CACNB4: variants seen among roughly 807,000 people sequenced by gnomAD.
CACNB4 encodes voltage-dependent L-type calcium channel subunit beta-4.
CACNB4 carries 32 observed loss-of-function variants against 71.2 expected under a neutral mutation model. That is an observed-to-expected ratio of 0.45 (90% CI 0.34 to 0.60). The LOEUF is 0.60. Ranked by LOEUF, CACNB4 falls within the 20% of genes least tolerant of loss-of-function variation. The pLI is 0.01. For missense variants in CACNB4, 464 were observed against 647.9 expected (o/e 0.72, Z 3.08); for synonymous variants, 231 against 236.9 (o/e 0.97, Z 0.23).
At chr2:151,992,809 T>G (rs1395478420) in intron 2 of CACNB4, among the ~76,000 whole-genome samples, 1 of 152,246 alleles carries the variant, frequency 6.6e-6, no homozygotes, top group Admixed American at 6.5e-5. Flanking sequence ...TTAGCCAATG[T>G]AAGCTGAGTA....
chr2:152,004,356 C>G (rs1682598881), intron 2 of CACNB4, among the ~76,000 whole-genome samples: 1 of 152,142 alleles, frequency 6.6e-6, no homozygotes, highest in African/African-American at 2.4e-5. Context: ...TGTGCAGAAG[C>G]CCCATTCCTG....
intron 4 of CACNB4, chr2:151,880,567 G>A (rs2099847577): frequency 1.9e-6 from 1 of 524,300 alleles, no homozygotes; most frequent in Admixed American, 3.7e-5. Context: ...AGAAATCTAT[G>A]CTATAATTTT....
At chr2:152,041,494 T>C (rs554699178) in intron 2 of CACNB4, among the ~76,000 whole-genome samples, 1 of 152,278 alleles carries the variant, frequency 6.6e-6, no homozygotes, top group South Asian at 2.1e-4. Context: ...AACATGAAGG[T>C]AGGCAGTTGG....
At position 152,037,143 on chromosome 2, in the gene CACNB4, T is replaced by C. The variant is rs376765554; in HGVS notation, c.147+61187A>G. Among the ~76,000 whole-genome samples, 3 of 152,242 alleles carry C rather than the reference T, an allele frequency of 2.0e-5. No individual in the cohort carries two copies. The South Asian group carries it at 6.2e-4, about 31-fold the overall frequency. The stretch of plus-strand genomic sequence containing the variant: ...AGCACTTATGTAGGGTATTCTTCCC[T>C]GGGCTTCTGTTTTGTTACCTTCTCA... On this transcript the variant is annotated intron_variant, in intron 2 of 13. Transcript: ENST00000539935.
chr2:152,026,078 T>C (rs973746447), intron 2 of CACNB4, among the ~76,000 whole-genome samples: 10 of 152,190 alleles, frequency 6.6e-5, no homozygotes, highest in Middle Eastern at 3.2e-3. Context: ...TCACTTGGCA[T>C]GAATGTCCAC....
At chr2:151,960,078 A>G (rs1222494936) in intron 2 of CACNB4, among the ~76,000 whole-genome samples, 1 of 152,028 alleles carries the variant, frequency 6.6e-6, no homozygotes, top group East Asian at 1.9e-4. Context: ...AGATTATTTT[A>G]AGTCCTTAAA....
intron 2 of CACNB4, among the ~76,000 whole-genome samples, chr2:152,016,173 T>C (rs1683334220): frequency 6.6e-6 from 1 of 152,246 alleles, no homozygotes; most frequent in Admixed American, 6.5e-5. Flanking sequence ...TTAGGGTGGC[T>C]TGAGATTCTC....
Position 152,067,391 on chromosome 2 carries a change from G to A in CACNB4, c.147+30939C>T, listed in dbSNP as rs866097771. Among the ~76,000 whole-genome samples the A allele has an allele frequency of 4.6e-4, 67 of 144,490 alleles. 2 individuals carry two copies. Among genetic ancestry groups the A allele is most frequent in the Admixed American group, 3.0e-3 (43 of 14,376 alleles). The allele number at this position is 144,490 out of a possible 152,430, so 94.8% of individuals were successfully genotyped here. A position where few individuals can be genotyped will look rare whatever the true frequency, so the allele number is the denominator to read the frequency against. Reference sequence around the variant, plus strand: ...TTTTTATAGAGATGTGTGTGTGTGGGGGGGGGGGTGCCTCTCACTGTGTTG... The same window carrying A: ...TTTTTATAGAGATGTGTGTGTGTGGAGGGGGGGGTGCCTCTCACTGTGTTG... On this transcript the variant is annotated intron_variant, in intron 2 of 13. Transcript: ENST00000539935.
At chr2:152,038,697 T>G (rs1379280689) in intron 2 of CACNB4, among the ~76,000 whole-genome samples, 2 of 152,194 alleles carry the variant, frequency 1.3e-5, no homozygotes, top group East Asian at 3.9e-4. Flanking sequence ...AACTCAGCCA[T>G]TTTCAAAGAC....
chr2:152,053,522 ATTTTT>A (rs200394309), intron 2 of CACNB4, among the ~76,000 whole-genome samples: 1 of 137,936 alleles, frequency 7.2e-6, no homozygotes, highest in African/African-American at 2.7e-5. Context: ...TGCTCTAGGA[ATTTTT>A]TTTTTTTTTT....
chr2:151,958,961 T>C (rs1200406301), intron 2 of CACNB4, among the ~76,000 whole-genome samples: 1 of 152,206 alleles, frequency 6.6e-6, no homozygotes, highest in Non-Finnish European at 1.5e-5. Flanking sequence ...TAAATGTAGG[T>C]ACAAAGATAA....
chr2:151,887,645 C>A (rs1262674035), intron 2 of CACNB4, among the ~76,000 whole-genome samples: 1 of 152,184 alleles, frequency 6.6e-6, no homozygotes, highest in African/African-American at 2.4e-5. Flanking sequence ...GCAGCCATGG[C>A]TGTTGGATCC....
chr2:151,981,833 T>C (rs1052327779), intron 2 of CACNB4, among the ~76,000 whole-genome samples: 4 of 152,104 alleles, frequency 2.6e-5, no homozygotes, highest in Admixed American at 1.3e-4. Context: ...GAACCACATG[T>C]CTCAAGCACC....
intron 2 of CACNB4, among the ~76,000 whole-genome samples, chr2:151,905,664 T>C (rs1208798770): frequency 6.6e-5 from 10 of 152,206 alleles, no homozygotes; most frequent in Admixed American, 5.9e-4. Context: ...AGCTAACAAA[T>C]GGTTATTCTT....
chr2:151,915,614 G>A (rs1211794007), intron 2 of CACNB4, among the ~76,000 whole-genome samples: 4 of 152,096 alleles, frequency 2.6e-5, no homozygotes, highest in African/African-American at 7.2e-5. Flanking sequence ...AGGCCGAGGC[G>A]GGTGGATTGC....
chr2:151,909,752 C>G (rs575729136), intron 2 of CACNB4, among the ~76,000 whole-genome samples: 1 of 152,282 alleles, frequency 6.6e-6, no homozygotes, highest in South Asian at 2.1e-4. Flanking sequence ...CTTTTTATGG[C>G]TGCATAGTAT....
Position 151,904,792 on chromosome 2 carries a change from C to T in CACNB4, c.148-21422G>A, listed in dbSNP as rs549015451. 8.5e-5 allele frequency among the ~76,000 whole-genome samples: 13 copies of T among 152,288 alleles called. No homozygotes were observed. In the South Asian group the frequency reaches 2.5e-3, roughly 29 times the overall value. On this transcript the variant is annotated intron_variant, in intron 2 of 13. Coordinates refer to ENST00000539935, the MANE Select transcript of CACNB4 (RefSeq NM_000726.5). ...TCAGGTGATCTGCCTGCCTTGGCCT[C>T]CCAAAGTGCTGGGATTACAGGCAGG...
chr2:151,892,162 C>A (rs1389606530), intron 2 of CACNB4, among the ~76,000 whole-genome samples: 1 of 152,150 alleles, frequency 6.6e-6, no homozygotes, highest in African/African-American at 2.4e-5. Context: ...CCTGAAAACA[C>A]GGACTTCTGT....
chr2:151,920,030 T>C (rs2099858517), intron 2 of CACNB4, among the ~76,000 whole-genome samples: 2 of 152,238 alleles, frequency 1.3e-5, no homozygotes, highest in Admixed American at 6.5e-5. Flanking sequence ...TTAAATGCCT[T>C]GCAATTAGCT....
Sources: gnomAD v4.1 joint callset for allele counts (sites outside exome capture counted in the v4.1 genomes callset) on GRCh38, gnomAD v4.1.1 for gene constraint, MANE v1.5 for transcripts, NCBI Gene and HGNC (gene_info 2026-07-23, HGNC 2026-07-21) for gene names.